Variants in TAF3 observed in about 807,000 individuals in gnomAD.
The protein encoded by TAF3 is TATA-box binding protein associated factor 3.
In TAF3, 7 loss-of-function variants were observed where a neutral mutation model predicts 80.6. The ratio of observed to expected loss-of-function variants is 0.09; its 90% CI spans 0.05 to 0.16. TAF3 has a LOEUF of 0.16. Among genes scored for constraint, TAF3 ranks in the 10% least tolerant of loss-of-function variants. TAF3 has a pLI of 1.00. For synonymous variants in TAF3, 444 were observed against 446.1 expected (o/e 1.00, Z 0.06); for missense variants, 921 against 1,140.2 (o/e 0.81, Z 2.77).
chr10:7,914,921 G>A (rs1327147819), intron 2 of TAF3, among the ~76,000 whole-genome samples: 3 of 139,346 alleles, frequency 2.2e-5, no homozygotes, highest in East Asian at 2.2e-4. Context: ...GAAAGCCTCG[G>A]TGCTCCCAGC....
intron 1 of TAF3, among the ~76,000 whole-genome samples, chr10:7,822,852 A>G (rs1836703427): frequency 6.6e-6 from 1 of 152,246 alleles, no homozygotes; most frequent in Non-Finnish European, 1.5e-5. Flanking sequence ...AAGAATAGGC[A>G]TAAGAAAAAC....
intron 2 of TAF3, among the ~76,000 whole-genome samples, chr10:7,842,853 C>T (rs923221995): frequency 1.6e-4 from 24 of 152,104 alleles, no homozygotes; most frequent in Admixed American, 1.4e-3. Flanking sequence ...AAGGGCAGGC[C>T]CACATTTACA....
chr10:7,914,274 G>A (rs185557476), intron 2 of TAF3, among the ~76,000 whole-genome samples: 94 of 152,324 alleles, frequency 6.2e-4, no homozygotes, highest in African/African-American at 2.0e-3. Flanking sequence ...TGTGTTAAAC[G>A]ATGTCGGGGT....
intron 2 of TAF3, among the ~76,000 whole-genome samples, chr10:7,861,605 C>T (rs1394936781): frequency 6.6e-6 from 1 of 151,970 alleles, no homozygotes; most frequent in African/African-American, 2.4e-5. Flanking sequence ...TTCATTTTAG[C>T]ACTTTACAGA....
intron 2 of TAF3, among the ~76,000 whole-genome samples, chr10:7,849,299 A>T (rs1347144669): frequency 6.6e-6 from 1 of 152,186 alleles, no homozygotes; most frequent in Non-Finnish European, 1.5e-5. Flanking sequence ...TTTTAAAAAA[A>T]TTACTGAGCT....
intron 2 of TAF3, among the ~76,000 whole-genome samples, chr10:7,851,087 A>G (rs1442178982): frequency 6.6e-6 from 1 of 152,244 alleles, no homozygotes; most frequent in Non-Finnish European, 1.5e-5. Flanking sequence ...TAAATTCTAT[A>G]GTATGTTTGG....
At chr10:7,968,430 G>A (rs1210256444) in intron 3 of TAF3, among the ~76,000 whole-genome samples, 1 of 152,184 alleles carries the variant, frequency 6.6e-6, no homozygotes, top group Non-Finnish European at 1.5e-5. Flanking sequence ...AATTTGCATG[G>A]TAGGTAGAAG....
intron 4 of TAF3, among the ~76,000 whole-genome samples, chr10:7,998,965 C>G (rs1831917114): frequency 6.6e-6 from 1 of 152,020 alleles, no homozygotes; most frequent in Non-Finnish European, 1.5e-5. Context: ...AAAACCATTT[C>G]CGGAAAACAG....
intron 2 of TAF3, among the ~76,000 whole-genome samples, chr10:7,887,727 G>A (rs972297317): frequency 1.3e-5 from 2 of 151,888 alleles, no homozygotes; most frequent in African/African-American, 4.8e-5. Flanking sequence ...AGCTAAAATC[G>A]GGGGGGATAA....
Position 7,985,224 on chromosome 10 carries a change from G to A in TAF3, c.2315+7901G>A, listed in dbSNP as rs146465043. 1.2e-4 allele frequency among the ~76,000 whole-genome samples: 19 copies of A among 152,276 alleles called. No individual in the cohort carries two copies. In the East Asian group the frequency reaches 3.5e-3, roughly 28 times the overall value. Reference sequence around the variant, plus strand: ...CATGTTACCCCAGCTGATTAGACTTGCCTTTTGGGTTCCAAACCTTCTTAC... The same window carrying A: ...CATGTTACCCCAGCTGATTAGACTTACCTTTTGGGTTCCAAACCTTCTTAC... On this transcript the variant is annotated intron_variant, in intron 4 of 6. Coordinates refer to ENST00000344293, the MANE Select transcript of TAF3 (RefSeq NM_031923.4).
In TAF3 at chr10:7,863,624, A is replaced by ATATATATAT. The variant is rs1449874157; in HGVS notation, c.409+39064_409+39065insTATATATAT. On this transcript the variant is annotated intron_variant, in intron 2 of 6. Coordinates refer to ENST00000344293, the MANE Select transcript of TAF3 (RefSeq NM_031923.4). The stretch of plus-strand genomic sequence containing the variant: ...AACTCTGTCTAAAAAAAAAAAAAAA[A>ATATATATAT]AAATATATATATATATATATATACA... Among the ~76,000 whole-genome samples, 6 of 58,098 alleles carry ATATATATAT rather than the reference A, an allele frequency of 1.0e-4. 2 individuals carry two copies. The highest frequency in any genetic ancestry group is 3.7e-4 in the African/African-American group (6 of 16,086). 38.1% of individuals were successfully genotyped at this position (58,098 alleles called of 152,430 possible).
intron 5 of TAF3, among the ~76,000 whole-genome samples, chr10:8,011,124 C>T (rs888014611): frequency 2.0e-5 from 3 of 152,166 alleles, no homozygotes; most frequent in Non-Finnish European, 2.9e-5. Flanking sequence ...ACTCTGCAGA[C>T]TGTGATGTGT....
At chr10:7,899,340 C>A (rs778414110) in intron 2 of TAF3, among the ~76,000 whole-genome samples, 41 of 152,146 alleles carry the variant, frequency 2.7e-4, no homozygotes, top group Non-Finnish European at 2.9e-5. Context: ...TTGTGATGGT[C>A]ATCTGGGTGG....
intron 4 of TAF3, among the ~76,000 whole-genome samples, chr10:7,995,179 T>C (rs1051356090): frequency 6.6e-6 from 1 of 152,162 alleles, no homozygotes; most frequent in African/African-American, 2.4e-5. Context: ...ACTATGGATA[T>C]GCTTACAAAA....
chr10:7,944,608 A>G (rs1234344011), intron 2 of TAF3, among the ~76,000 whole-genome samples: 2 of 152,238 alleles, frequency 1.3e-5, no homozygotes, highest in Non-Finnish European at 2.9e-5. Context: ...CAAATGTACC[A>G]TAGTTATTGA....
intron 2 of TAF3, among the ~76,000 whole-genome samples, chr10:7,857,188 T>G (rs1236386477): frequency 6.6e-6 from 1 of 152,238 alleles, no homozygotes; most frequent in African/African-American, 2.4e-5. Flanking sequence ...TATGAGTGAC[T>G]TTTTTGCTGA....
At chr10:7,841,489 T>C (rs975872193) in intron 2 of TAF3, among the ~76,000 whole-genome samples, 1 of 152,238 alleles carries the variant, frequency 6.6e-6, no homozygotes. Context: ...CAGAGGTCTC[T>C]AACCTAGTGT....
At chr10:7,902,607 C>T (rs1407823099) in intron 2 of TAF3, among the ~76,000 whole-genome samples, 1 of 152,094 alleles carries the variant, frequency 6.6e-6, no homozygotes, top group African/African-American at 2.4e-5. Context: ...ATGTCAGGCT[C>T]TCTGGGTGCT....
intron 2 of TAF3, among the ~76,000 whole-genome samples, chr10:7,835,641 A>G (rs888085840): frequency 2.0e-5 from 3 of 150,774 alleles, no homozygotes; most frequent in Non-Finnish European, 4.4e-5. Context: ...AGCCCCTTGT[A>G]CTCCCTGTAC....
Sources: gnomAD v4.1 joint callset for allele counts (sites outside exome capture counted in the v4.1 genomes callset) on GRCh38, gnomAD v4.1.1 for gene constraint, MANE v1.5 for transcripts, NCBI Gene and HGNC (gene_info 2026-07-23, HGNC 2026-07-21) for gene names.